The following MB21D2 variants were observed in gnomAD, a reference collection of about 807,000 sequenced individuals.
The protein encoded by MB21D2 is Mab-21 domain containing 2, also known as nucleotidyltransferase MB21D2.
In MB21D2, 9 loss-of-function variants were observed where a neutral mutation model predicts 33.3. The observed-to-expected ratio is 0.27, with a 90% CI of 0.16 to 0.47. MB21D2 has a LOEUF of 0.47. MB21D2 is among the 20% of genes least tolerant of loss of function. The pLI is 0.99. For missense variants in MB21D2, 540 were observed against 624.6 expected (o/e 0.86, Z 1.44); for synonymous variants, 241 against 236.3 (o/e 1.02, Z -0.18).
chr3:192,815,689 G>A (rs140469610), intron 1 of MB21D2, among the ~76,000 whole-genome samples: 132 of 152,210 alleles, frequency 8.7e-4, no homozygotes, highest in African/African-American at 2.9e-3. Flanking sequence ...GATTCAGGAG[G>A]GATGTGACAG....
chr3:192,890,435 TTAAAGA>T (rs1713826305), intron 1 of MB21D2, among the ~76,000 whole-genome samples: 2 of 152,128 alleles, frequency 1.3e-5, no homozygotes, highest in African/African-American at 4.8e-5. Flanking sequence ...TACTTGTCCT[TTAAAGA>T]AAGCCTGGGT....
chr3:192,821,625 A>G (rs926411853), intron 1 of MB21D2, among the ~76,000 whole-genome samples: 1 of 152,204 alleles, frequency 6.6e-6, no homozygotes, highest in Non-Finnish European at 1.5e-5. Context: ...GGAAACTGGA[A>G]ATTGCTTTCT....
chr3:192,861,999 T>C (rs1713054546), intron 1 of MB21D2, among the ~76,000 whole-genome samples: 1 of 152,150 alleles, frequency 6.6e-6, no homozygotes, highest in African/African-American at 2.4e-5. Context: ...CTTGGTCTTG[T>C]GGCCAAAATG....
intron 1 of MB21D2, among the ~76,000 whole-genome samples, chr3:192,886,226 G>A (rs1196162862): frequency 6.6e-6 from 1 of 152,096 alleles, no homozygotes; most frequent in Admixed American, 6.5e-5. Flanking sequence ...CCAAAGTGCT[G>A]GGATTACAGG....
chr3:192,873,642 T>A (rs1311383610), intron 1 of MB21D2, among the ~76,000 whole-genome samples: 3 of 152,218 alleles, frequency 2.0e-5, no homozygotes. Context: ...CTTTGACCGC[T>A]GTCCTCGTCT....
intron 1 of MB21D2, among the ~76,000 whole-genome samples, chr3:192,863,922 C>T (rs144892510): frequency 1.1e-3 from 169 of 152,330 alleles, no homozygotes; most frequent in African/African-American, 3.8e-3. Flanking sequence ...AAATTAATTT[C>T]TGTGGTTTAT....
chr3:192,817,376 T>G (rs71314473), intron 1 of MB21D2, among the ~76,000 whole-genome samples: 13,439 of 152,020 alleles, frequency 0.088, 630 homozygotes, highest in Middle Eastern at 0.14. Flanking sequence ...AATGAAAAGT[T>G]AACACAAAGC....
rs914723478 is a variant in MB21D2, at chr3:192,908,589, A to AT, written c.211+9040dup. Among the ~76,000 whole-genome samples the AT allele has an allele frequency of 9.9e-4, 145 of 146,628 alleles. 2 individuals carry two copies. The South Asian group carries it at 0.013, about 14-fold the overall frequency. ...CCACCACGCCCAGCTAATGTTTCGT[A>AT]TTTTTTTTTTAGTAGAGACGAGGTT... On this transcript the variant is annotated intron_variant, in intron 1 of 1. Coordinates refer to ENST00000392452, the MANE Select transcript of MB21D2 (RefSeq NM_178496.4).
chr3:192,896,965 G>A (rs1362319380), intron 1 of MB21D2, among the ~76,000 whole-genome samples: 2 of 152,018 alleles, frequency 1.3e-5, no homozygotes, highest in Non-Finnish European at 2.9e-5. Flanking sequence ...GAAAACCTAT[G>A]GTTCCCTTCT....
At chr3:192,804,575 C>T (rs1232725535) in intron 1 of MB21D2, among the ~76,000 whole-genome samples, 2 of 151,898 alleles carry the variant, frequency 1.3e-5, no homozygotes, top group Non-Finnish European at 2.9e-5. Flanking sequence ...TGACTATATG[C>T]CTGAATATCT....
chr3:192,884,107 A>T (rs1213644242), intron 1 of MB21D2, among the ~76,000 whole-genome samples: 5 of 152,096 alleles, frequency 3.3e-5, no homozygotes, highest in African/African-American at 9.7e-5. Context: ...GCATGGGCGT[A>T]TATCAGATGG....
chr3:192,815,218 AC>A lies in MB21D2; in HGVS notation c.212-15569del, dbSNP rs564465114. On this transcript the variant is annotated intron_variant, in intron 1 of 1. Transcript: ENST00000392452. ...TTGGAGCTTACTGGAGCCAGAACTG[AC>A]TTTCAAGGTTATTTATTCCAACTGC... Among the ~76,000 whole-genome samples the A allele has an allele frequency of 1.2e-4, 19 of 152,324 alleles. No individual in the cohort carries two copies. The South Asian group carries it at 3.9e-3, about 32-fold the overall frequency.
intron 1 of MB21D2, among the ~76,000 whole-genome samples, chr3:192,824,347 G>T (rs534845939): frequency 1.9e-3 from 287 of 152,208 alleles, no homozygotes; most frequent in Non-Finnish European, 2.8e-3. Flanking sequence ...AAAGTTTAAA[G>T]TTGGAGTTTA....
intron 1 of MB21D2, among the ~76,000 whole-genome samples, chr3:192,908,884 T>C (rs1279944421): frequency 6.6e-6 from 1 of 152,104 alleles, no homozygotes; most frequent in Non-Finnish European, 1.5e-5. Flanking sequence ...TGTAGAAGCC[T>C]ATAGATCCCT....
In MB21D2 at chr3:192,917,742, C is replaced by T; in HGVS notation, c.99G>A (p.Val33=). 1.2e-6 allele frequency: 2 copies of T among 1,614,112 alleles called. No homozygotes were observed. Among genetic ancestry groups the T allele is most frequent in the Non-Finnish European group, 8.5e-7 (1 of 1,180,032 alleles). Residue 33 remains valine, a synonymous_variant, in exon 1 of 2, where the codon GTG becomes GTA. Transcript: ENST00000392452. ...CTTGGATGAGTTTGTTCAATTCCTCCACCCGAGCTCCCGACCTGAAATCCA... is the reference window on the plus strand; with the variant it reads ...CTTGGATGAGTTTGTTCAATTCCTCTACCCGAGCTCCCGACCTGAAATCCA... ...PELDFRSGAR[V]EELNKLIQEF...
intron 1 of MB21D2, among the ~76,000 whole-genome samples, chr3:192,859,856 C>T (rs183344618): frequency 1.1e-3 from 160 of 152,278 alleles, no homozygotes; most frequent in African/African-American, 3.5e-3. Context: ...TTAGACTTTT[C>T]GAGCCTGACC....
chr3:192,884,834 A>G lies in MB21D2; in HGVS notation c.211+32796T>C, dbSNP rs540425813. Among the ~76,000 whole-genome samples, 96 of 152,186 alleles carry G rather than the reference A, an allele frequency of 6.3e-4. 2 individuals carry two copies. The highest frequency in any genetic ancestry group is 2.3e-3 in the African/African-American group (95 of 41,450). ...GCACCCTACACATAAGAGGAGCCCA[A>G]TAAATATCTGAATACGTGGACAAAT... On this transcript the variant is annotated intron_variant, in intron 1 of 1. Coordinates refer to ENST00000392452, the MANE Select transcript of MB21D2 (RefSeq NM_178496.4).
intron 1 of MB21D2, among the ~76,000 whole-genome samples, chr3:192,884,559 G>T (rs1278205620): frequency 6.6e-6 from 1 of 151,944 alleles, no homozygotes; most frequent in African/African-American, 2.4e-5. Context: ...AGTAGAGACG[G>T]GGTTTCACCG....
intron 1 of MB21D2, among the ~76,000 whole-genome samples, chr3:192,899,140 A>G (rs762415751): frequency 1.3e-5 from 2 of 152,266 alleles, no homozygotes; most frequent in African/African-American, 2.4e-5. Flanking sequence ...TAGCAGGCAT[A>G]CAAGAAATAC....
Sources: allele counts gnomAD v4.1 joint callset (sites outside exome capture counted in the v4.1 genomes callset), GRCh38; gene constraint gnomAD v4.1.1; transcripts MANE v1.5; gene names NCBI Gene and HGNC (gene_info 2026-07-23, HGNC 2026-07-21).